The following NTM variants were observed in gnomAD, a reference collection of about 807,000 sequenced individuals.
NTM encodes the protein neurotrimin, also known as IgLON family member 2.
In NTM, 13 loss-of-function variants were observed where a neutral mutation model predicts 42.1. That is an observed-to-expected ratio of 0.31 (90% CI 0.20 to 0.49). NTM has a LOEUF of 0.49. NTM is among the 20% of genes least tolerant of loss of function. The probability of loss-of-function intolerance (pLI) is 0.99; values close to 1 mark genes in which losing one functional copy is unlikely to be tolerated. For missense variants in NTM, 373 were observed against 452.8 expected, an observed-to-expected ratio of 0.82 and a Z score of 1.60; for synonymous variants, 187 against 179.2, an observed-to-expected ratio of 1.04 and a Z score of -0.35.
intron 1 of NTM, among the ~76,000 whole-genome samples, chr11:131,670,487 C>T (rs1049858249): frequency 6.6e-6 from 1 of 152,036 alleles, no homozygotes; most frequent in African/African-American, 2.4e-5. Context: ...CTGTTTCGTT[C>T]CCATTTCTGA....
chr11:131,882,692 T>G (rs1383412627), intron 1 of NTM, among the ~76,000 whole-genome samples: 2 of 152,142 alleles, frequency 1.3e-5, no homozygotes, highest in Admixed American at 6.5e-5. Flanking sequence ...AATTCACAAT[T>G]CCGGTGAGGA....
At chr11:131,553,098 G>A (rs112126242) in intron 1 of NTM, among the ~76,000 whole-genome samples, 13 of 152,082 alleles carry the variant, frequency 8.5e-5, no homozygotes, top group African/African-American at 2.4e-4. Context: ...GAAAAATCGA[G>A]GGCATGGTTA....
intron 3 of NTM, among the ~76,000 whole-genome samples, chr11:132,206,762 A>G (rs1006376520): frequency 2.0e-5 from 3 of 152,178 alleles, no homozygotes; most frequent in African/African-American, 7.2e-5. Context: ...CTGCCTAGAT[A>G]CCTGTTTCTC....
At chr11:132,156,671 A>T (rs973961540) in intron 3 of NTM, among the ~76,000 whole-genome samples, 6 of 149,792 alleles carry the variant, frequency 4.0e-5, no homozygotes, top group African/African-American at 1.5e-4. Context: ...TATTATAATT[A>T]TTAAACAAAA....
At chr11:132,157,975 A>G (rs1362371091) in intron 3 of NTM, among the ~76,000 whole-genome samples, 4 of 151,986 alleles carry the variant, frequency 2.6e-5, no homozygotes, top group African/African-American at 4.8e-5. Flanking sequence ...AGCTGCTGTT[A>G]CCTTTGTCTG....
At chr11:132,171,373 G>A (rs954296235) in intron 3 of NTM, among the ~76,000 whole-genome samples, 3 of 152,200 alleles carry the variant, frequency 2.0e-5, no homozygotes, top group Non-Finnish European at 4.4e-5. Flanking sequence ...TAACAAGTCC[G>A]AGATCAAGGT....
At chr11:131,579,308 AT>A (rs2058192633) in intron 1 of NTM, among the ~76,000 whole-genome samples, 1 of 151,288 alleles carries the variant, frequency 6.6e-6, no homozygotes, top group African/African-American at 2.5e-5. Flanking sequence ...AAACAGAAAT[AT>A]AAACTATCTG....
intron 3 of NTM, among the ~76,000 whole-genome samples, chr11:132,205,946 G>A (rs1428594543): frequency 6.6e-6 from 1 of 152,048 alleles, no homozygotes; most frequent in Non-Finnish European, 1.5e-5. Context: ...AAGGTCTAGG[G>A]GTCTCCCTGT....
chr11:132,070,853 CCA>C (rs2057495870), intron 2 of NTM, among the ~76,000 whole-genome samples: 6 of 140,446 alleles, frequency 4.3e-5, no homozygotes, highest in African/African-American at 1.1e-4. Context: ...GTCACACTGA[CCA>C]TCACAGGTTA....
chr11:131,538,293 G>A (rs2052597777), intron 1 of NTM: 1 of 152,200 alleles, frequency 6.6e-6, no homozygotes. Context: ...TTACACGCGA[G>A]AAAATCACGG....
At chr11:131,758,569 C>T (rs1483270267) in intron 1 of NTM, among the ~76,000 whole-genome samples, 1 of 150,170 alleles carries the variant, frequency 6.7e-6, no homozygotes, top group African/African-American at 2.4e-5. Flanking sequence ...TCTTTCCTTC[C>T]TTCCTTCCTT....
chr11:131,946,602 G>A (rs538550675), intron 2 of NTM, among the ~76,000 whole-genome samples: 35 of 152,226 alleles, frequency 2.3e-4, no homozygotes, highest in Non-Finnish European at 4.1e-4. Flanking sequence ...CTTCTCCAGA[G>A]GAGTCCACAG....
chr11:131,818,017 C>CG (rs113927719), intron 1 of NTM, among the ~76,000 whole-genome samples: 3,844 of 152,182 alleles, frequency 0.025, 153 homozygotes, highest in African/African-American at 0.086. Flanking sequence ...AGATGATAGG[C>CG]GGGGGAGCAG....
chr11:131,523,961 G>A (rs1181070537), intron 1 of NTM, among the ~76,000 whole-genome samples: 2 of 151,756 alleles, frequency 1.3e-5, no homozygotes, highest in African/African-American at 2.4e-5. Context: ...CTGCAGAGGG[G>A]ACAAGGTTGA....
At chr11:131,826,328 A>G (rs945328693) in intron 1 of NTM, among the ~76,000 whole-genome samples, 46 of 152,256 alleles carry the variant, frequency 3.0e-4, no homozygotes, top group African/African-American at 1.0e-3. Flanking sequence ...AGTCAGCAAG[A>G]TAACAATAAG....
At chr11:131,617,082 G>A (rs2062013574) in intron 1 of NTM, among the ~76,000 whole-genome samples, 1 of 152,100 alleles carries the variant, frequency 6.6e-6, no homozygotes, top group Admixed American at 6.5e-5. Context: ...TCAGAATTGT[G>A]GGGCTGGACG....
At chr11:131,960,034 T>C (rs2061978430) in intron 2 of NTM, among the ~76,000 whole-genome samples, 1 of 152,164 alleles carries the variant, frequency 6.6e-6, no homozygotes, top group Non-Finnish European at 1.5e-5. Context: ...TCCATAACAA[T>C]CCTGGCCAGT....
At chr11:132,272,311 G>A (rs2093520727) in intron 4 of NTM, among the ~76,000 whole-genome samples, 1 of 151,988 alleles carries the variant, frequency 6.6e-6, no homozygotes, top group African/African-American at 2.4e-5. Flanking sequence ...CTGGAAATGT[G>A]GGTTCTTTAA....
At chr11:132,222,024 T>A (rs2085263937) in intron 4 of NTM, among the ~76,000 whole-genome samples, 1 of 152,164 alleles carries the variant, frequency 6.6e-6, no homozygotes, top group African/African-American at 2.4e-5. Flanking sequence ...TTATGCACAT[T>A]CTCACAGCAT....
Sources: gnomAD v4.1 joint callset for allele counts (sites outside exome capture counted in the v4.1 genomes callset) on GRCh38, gnomAD v4.1.1 for gene constraint, MANE v1.5 for transcripts, NCBI Gene and HGNC (gene_info 2026-07-23, HGNC 2026-07-21) for gene names.